The following LOXL2 variants were observed in gnomAD, a reference collection of about 807,000 sequenced individuals.
The protein encoded by LOXL2 is lysyl oxidase homolog 2.
Under a neutral mutation model 93.0 loss-of-function variants are expected in LOXL2, and 70 were observed. That is an observed-to-expected ratio of 0.75 (90% CI 0.62 to 0.92). The LOEUF (loss-of-function observed/expected upper bound fraction) is 0.92, where lower values mean the gene tolerates loss of function less well. Ranked by LOEUF, LOXL2 falls within the 40% of genes least tolerant of loss-of-function variation. The pLI is 0.00. For missense variants in LOXL2, 973 were observed against 1,054.9 expected (o/e 0.92, Z 1.08); for synonymous variants, 438 against 413.2 (o/e 1.06, Z -0.73).
At chr8:23,373,305 AG>A (rs1267070865) in intron 1 of LOXL2, among the ~76,000 whole-genome samples, 2 of 152,014 alleles carry the variant, frequency 1.3e-5, no homozygotes, top group African/African-American at 4.8e-5. Flanking sequence ...GAGCCAGCGG[AG>A]GGGGGGCCTA....
intron 4 of LOXL2, among the ~76,000 whole-genome samples, chr8:23,339,216 C>T (rs1358142686): frequency 6.6e-6 from 1 of 152,192 alleles, no homozygotes; most frequent in Non-Finnish European, 1.5e-5. Context: ...TGCTTCCCTT[C>T]CCACTCCTCT....
intron 13 of LOXL2, 60 bp downstream of exon 13, chr8:23,298,776 T>C: frequency 9.7e-7 from 1 of 1,032,878 alleles, no homozygotes; most frequent in South Asian, 1.3e-5. Flanking sequence ...TGCCTCTGGG[T>C]CCTTGAGAAA....
rs1308665606 is a variant in LOXL2 at position 23,297,820 on chromosome 8, C to A, written c.*223G>T. The A allele has an allele frequency of 7.8e-6, 4 of 512,076 alleles. No homozygotes were observed. The highest frequency in any genetic ancestry group is 1.4e-5 in the Non-Finnish European group (4 of 286,618). The allele number at this position is 512,076 out of a possible 1,614,324, so 31.7% of individuals were successfully genotyped here. On this transcript the variant is annotated 3_prime_UTR_variant, in exon 14 of 14. Transcript: ENST00000389131. ...CAGCAGCTCTGTGGACAAACCCCAC[C>A]CCCGCAAGGCCTTCTCAGGCCCCAA...
chr8:23,299,778 C>T (rs1050175826), intron 12 of LOXL2, among the ~76,000 whole-genome samples: 10 of 152,198 alleles, frequency 6.6e-5, no homozygotes, highest in Non-Finnish European at 1.3e-4. Context: ...ACAGGCTGCT[C>T]GTTCAGGAAC....
chr8:23,300,920 TAAA>T (rs1381661072), intron 12 of LOXL2, among the ~76,000 whole-genome samples: 2 of 152,206 alleles, frequency 1.3e-5, no homozygotes, highest in African/African-American at 4.8e-5. Context: ...TCTTTTAAAA[TAAA>T]TAACTCTCTG....
chr8:23,398,220 A>G (rs1319692217), intron 1 of LOXL2, among the ~76,000 whole-genome samples: 1 of 151,618 alleles, frequency 6.6e-6, no homozygotes, highest in Non-Finnish European at 1.5e-5. Flanking sequence ...AGTCATCACC[A>G]TAAGTTATCT....
chr8:23,372,675 T>C (rs1010926088), intron 1 of LOXL2, among the ~76,000 whole-genome samples: 3 of 152,212 alleles, frequency 2.0e-5, no homozygotes, highest in African/African-American at 7.2e-5. Flanking sequence ...CAGTTTACGA[T>C]AATGAAAGTC....
intron 10 of LOXL2, among the ~76,000 whole-genome samples, chr8:23,305,409 C>T (rs940010041): frequency 2.6e-5 from 4 of 152,182 alleles, no homozygotes; most frequent in African/African-American, 9.7e-5. Flanking sequence ...TGGCTTCTGT[C>T]CTGGGCATCT....
intron 11 of LOXL2, among the ~76,000 whole-genome samples, chr8:23,302,461 G>A (rs1294038429): frequency 6.6e-6 from 1 of 152,072 alleles, no homozygotes. Flanking sequence ...CTGCGTGTGT[G>A]TGGACCGAGG....
intron 10 of LOXL2, among the ~76,000 whole-genome samples, chr8:23,306,941 C>T (rs1485330251): frequency 1.3e-5 from 2 of 152,234 alleles, no homozygotes; most frequent in African/African-American, 2.4e-5. Flanking sequence ...CACTTTCCTC[C>T]AGGTCTGGTT....
chr8:23,378,228 G>T (rs1187360884), intron 1 of LOXL2, among the ~76,000 whole-genome samples: 6 of 152,134 alleles, frequency 3.9e-5, no homozygotes, highest in Admixed American at 3.9e-4. Context: ...TGAAATTCTG[G>T]GTTGAAAATT....
chr8:23,379,455 T>G (rs1804643129), intron 1 of LOXL2, among the ~76,000 whole-genome samples: 1 of 152,212 alleles, frequency 6.6e-6, no homozygotes, highest in Non-Finnish European at 1.5e-5. Flanking sequence ...CACTACTCTC[T>G]TCAAAGCTGT....
chr8:23,361,869 A>AAAC (rs146805924), intron 2 of LOXL2, among the ~76,000 whole-genome samples: 28,413 of 122,696 alleles, frequency 0.23, 2,843 homozygotes, highest in Admixed American at 0.31. Flanking sequence ...CAAAACAAAC[A>AAAC]AAAAAAACAG....
At chr8:23,382,625 T>G (rs977644179) in intron 1 of LOXL2, 1 of 152,112 alleles carries the variant, frequency 6.6e-6, no homozygotes, top group African/African-American at 2.4e-5. Context: ...GGAGCCCTAT[T>G]CTGGGCCTTT....
intron 10 of LOXL2, among the ~76,000 whole-genome samples, chr8:23,305,777 C>T (rs1358183052): frequency 6.6e-6 from 1 of 151,920 alleles, no homozygotes; most frequent in Non-Finnish European, 1.5e-5. Flanking sequence ...AAGACACAGC[C>T]TTCTACCGTG....
intron 1 of LOXL2, among the ~76,000 whole-genome samples, chr8:23,373,421 G>A (rs540054050): frequency 5.9e-5 from 9 of 152,250 alleles, no homozygotes; most frequent in Admixed American, 2.6e-4. Flanking sequence ...CCGCAGCCTC[G>A]AACTCTTGAG....
chr8:23,328,365 G>A lies in LOXL2; in HGVS notation c.1150+17C>T, dbSNP rs1803619056. ...CTCCCAGGAAGAGAGGCCCCCTCTAGCCTCCCCATTCCTTACCTTGCCCCA... is the reference window on the plus strand; with the variant it reads ...CTCCCAGGAAGAGAGGCCCCCTCTAACCTCCCCATTCCTTACCTTGCCCCA... On this transcript the variant is annotated intron_variant, in intron 6 of 13. Transcript: ENST00000389131. The A allele has an allele frequency of 1.2e-6, 2 of 1,612,812 alleles. No homozygotes were observed. Among genetic ancestry groups the A allele is most frequent in the Admixed American group, 1.7e-5 (1 of 59,992 alleles).
At chr8:23,354,943 ATATATATTTTTTTTTTTT>A (rs1295124745) in intron 3 of LOXL2, among the ~76,000 whole-genome samples, 1 of 55,500 alleles carries the variant, frequency 1.8e-5, no homozygotes, top group African/African-American at 1.0e-4. Flanking sequence ...ATATATATAT[ATATATATTTTTTTTTTTT>A]TTTTTTTTTT....
At chr8:23,380,320 G>A (rs1804662355) in intron 1 of LOXL2, among the ~76,000 whole-genome samples, 1 of 150,394 alleles carries the variant, frequency 6.6e-6, no homozygotes, top group Admixed American at 6.7e-5. Context: ...TTGAACCCAG[G>A]AGGCGGAGGT....
Sources: gnomAD v4.1 joint callset for allele counts (sites outside exome capture counted in the v4.1 genomes callset) on GRCh38, gnomAD v4.1.1 for gene constraint, MANE v1.5 for transcripts, NCBI Gene and HGNC (gene_info 2026-07-23, HGNC 2026-07-21) for gene names.